RERE: variants seen among roughly 807,000 people sequenced by gnomAD.
RERE encodes the protein arginine-glutamic acid dipeptide repeats protein.
RERE carries 40 observed loss-of-function variants against 146.1 expected under a neutral mutation model. The observed-to-expected ratio is 0.27, with a 90% CI of 0.21 to 0.36. RERE has a LOEUF of 0.36. RERE is among the 10% of genes least tolerant of loss of function. The pLI is 1.00. For synonymous variants in RERE, 1,003 were observed against 866.0 expected (o/e 1.16, Z -2.78); for missense variants, 1,933 against 2,138.7 (o/e 0.90, Z 1.90).
At chr1:8,382,195 T>A (rs746356769) in intron 12 of RERE, among the ~76,000 whole-genome samples, 1 of 152,270 alleles carries the variant, frequency 6.6e-6, no homozygotes, top group African/African-American at 2.4e-5. Flanking sequence ...AAGCTAGCCA[T>A]GCTGCTAGGC....
chr1:8,399,267 T>G (rs567489492), intron 12 of RERE, among the ~76,000 whole-genome samples: 1 of 152,294 alleles, frequency 6.6e-6, no homozygotes, highest in African/African-American at 2.4e-5. Flanking sequence ...TTGTACTTTT[T>G]GTACTATTTC....
At chr1:8,634,259 A>G (rs1647069175) in intron 2 of RERE, among the ~76,000 whole-genome samples, 2 of 152,062 alleles carry the variant, frequency 1.3e-5, no homozygotes, top group Admixed American at 1.3e-4. Flanking sequence ...AACCTGTTCT[A>G]TTCAGTTATC....
intron 7 of RERE, chr1:8,525,757 A>G: frequency 6.3e-7 from 1 of 1,598,188 alleles, no homozygotes; most frequent in Non-Finnish European, 8.5e-7. Context: ...AAGATAGCCT[A>G]CCTGCAGGGG....
At chr1:8,784,843 T>A (rs997405879) in intron 1 of RERE, among the ~76,000 whole-genome samples, 1 of 152,074 alleles carries the variant, frequency 6.6e-6, no homozygotes, top group East Asian at 1.9e-4. Flanking sequence ...AAAAAGACAG[T>A]CCACTACAAT....
intron 1 of RERE, among the ~76,000 whole-genome samples, chr1:8,717,019 A>G (rs1397520184): frequency 3.3e-5 from 5 of 152,198 alleles, no homozygotes; most frequent in African/African-American, 1.2e-4. Context: ...TAAAAAATAA[A>G]TGATATAACA....
intron 22 of RERE, 87 bp downstream of exon 22, chr1:8,355,332 G>T: frequency 7.0e-7 from 1 of 1,430,364 alleles, no homozygotes; most frequent in South Asian, 1.2e-5. Flanking sequence ...GCAGGCAGAG[G>T]GGGAGGAGCC....
At chr1:8,737,155 CT>C (rs1338339204) in intron 1 of RERE, among the ~76,000 whole-genome samples, 2 of 151,206 alleles carry the variant, frequency 1.3e-5, no homozygotes, top group Non-Finnish European at 3.0e-5. Context: ...GGACTGTTTC[CT>C]TTTTTTTTCT....
At chr1:8,785,873 C>A (rs186334048) in intron 1 of RERE, among the ~76,000 whole-genome samples, 15 of 152,254 alleles carry the variant, frequency 9.9e-5, no homozygotes, top group Non-Finnish European at 1.8e-4. Context: ...CTGCCCACCT[C>A]GGCCTCCCAA....
intron 1 of RERE, among the ~76,000 whole-genome samples, chr1:8,663,720 T>C (rs1446834944): frequency 6.6e-6 from 1 of 152,188 alleles, no homozygotes; most frequent in Non-Finnish European, 1.5e-5. Flanking sequence ...ATTTAAAGCA[T>C]ACAATGCCCA....
chr1:8,640,100 G>A (rs975754813), intron 2 of RERE, among the ~76,000 whole-genome samples: 22 of 151,958 alleles, frequency 1.4e-4, no homozygotes, highest in African/African-American at 5.3e-4. Flanking sequence ...GGTACAGTGA[G>A]CCAGAGATTG....
intron 12 of RERE, among the ~76,000 whole-genome samples, 196 bp downstream of exon 12, chr1:8,422,531 A>C (rs916014073): frequency 6.6e-5 from 10 of 152,356 alleles, no homozygotes; most frequent in African/African-American, 2.4e-4. Context: ...GGATAAGCAT[A>C]ATCTGTCACT....
intron 1 of RERE, among the ~76,000 whole-genome samples, chr1:8,747,043 GCT>G (rs1640435965): frequency 6.6e-6 from 1 of 151,716 alleles, no homozygotes; most frequent in African/African-American, 2.4e-5. Flanking sequence ...ACGGAGTCTC[GCT>G]CTGTCGCCCA....
rs1025954433 is a variant in RERE at position 8,361,662 on chromosome 1, C to G, written c.2016+101G>C. The stretch of plus-strand genomic sequence containing the variant: ...AGTGTCAAAGGCCACTCCAGCCCCA[C>G]CCTAGGAGACAGGGCACGGCCACCA... On this transcript the variant is annotated intron_variant, in intron 17 of 22. Coordinates refer to ENST00000400908, the MANE Select transcript of RERE (RefSeq NM_001042681.2). 2.0e-5 allele frequency: 26 copies of G among 1,331,458 alleles called. No individual in the cohort carries two copies. The African/African-American group carries it at 3.6e-4, about 18-fold the overall frequency. The allele number at this position is 1,331,458 out of a possible 1,614,324, so 82.5% of individuals were successfully genotyped here.
At chr1:8,564,263 G>A (rs1646112813) in intron 4 of RERE, among the ~76,000 whole-genome samples, 1 of 152,184 alleles carries the variant, frequency 6.6e-6, no homozygotes, top group Non-Finnish European at 1.5e-5. Context: ...TGGGACCAGA[G>A]GTGTTTCTGA....
chr1:8,625,533 T>A lies in RERE; in HGVS notation c.326-1153A>T, dbSNP rs1646964363. Among the ~76,000 whole-genome samples, 16 of 152,300 alleles carry A rather than the reference T, an allele frequency of 1.1e-4. 2 individuals are homozygous for A. In the South Asian group the frequency reaches 3.3e-3, roughly 32 times the overall value. The stretch of plus-strand genomic sequence containing the variant: ...GTTGCCCAGGCTAGTCTCAAACTCT[T>A]GGGCTGAAGCTATCCCCCTGCCTCG... On this transcript the variant is annotated intron_variant, in intron 2 of 22. Coordinates refer to ENST00000400908, the MANE Select transcript of RERE (RefSeq NM_001042681.2).
Position 8,733,777 on chromosome 1 carries a change from G to C in RERE, c.-144-77336C>G, listed in dbSNP as rs947667521. Among the ~76,000 whole-genome samples the C allele has an allele frequency of 2.0e-5, 3 of 152,348 alleles. No individual in the cohort carries two copies. The South Asian group carries it at 6.2e-4, about 32-fold the overall frequency. ...GAATGTTGTTTTAAGCAGCAGTTTG[G>C]AGGTATTTTGTTACATATATCATAT... is the stretch of plus-strand genomic sequence containing the variant. On this transcript the variant is annotated intron_variant, in intron 1 of 22. Coordinates refer to ENST00000400908, the MANE Select transcript of RERE (RefSeq NM_001042681.2).
rs368219880 is a variant in RERE at position 8,400,222 on chromosome 1, A to ATATATGTGTGTG, written c.1284+22504_1284+22505insCACACACATATA. Among the ~76,000 whole-genome samples, 3 of 140,062 alleles carry ATATATGTGTGTG rather than the reference A, an allele frequency of 2.1e-5. No individual in the cohort carries two copies. In the Admixed American group the frequency reaches 2.2e-4, roughly 10 times the overall value. 91.9% of individuals were successfully genotyped at this position (140,062 alleles called of 152,430 possible). A position where few individuals can be genotyped will look rare whatever the true frequency, so the allele number is the denominator to read the frequency against. ...CTCTTCCTTTCCATTCCTGTGTCAT[A>ATATATGTGTGTG]TGTGTGTGTGTGTGTGTGTGTGTGT... On this transcript the variant is annotated intron_variant, in intron 12 of 22. Transcript: ENST00000400908.
At chr1:8,596,093 G>A (rs756072915) in intron 4 of RERE, among the ~76,000 whole-genome samples, 1 of 152,238 alleles carries the variant, frequency 6.6e-6, no homozygotes, top group East Asian at 1.9e-4. Context: ...ACACAGTCAT[G>A]CTCATTTGTT....
chr1:8,448,877 GGAA>G (rs1644357191), intron 11 of RERE, among the ~76,000 whole-genome samples: 1 of 151,098 alleles, frequency 6.6e-6, no homozygotes, highest in East Asian at 1.9e-4. Flanking sequence ...AAAAAAAAAA[GGAA>G]GAAGAACCAG....
Sources: allele counts gnomAD v4.1 joint callset (sites outside exome capture counted in the v4.1 genomes callset), GRCh38; gene constraint gnomAD v4.1.1; transcripts MANE v1.5; gene names NCBI Gene and HGNC (gene_info 2026-07-23, HGNC 2026-07-21).